Variants in SPEG observed in about 807,000 individuals in gnomAD.
SPEG encodes striated muscle preferentially expressed protein kinase.
Under a neutral mutation model 300.4 loss-of-function variants are expected in SPEG, and 114 were observed. The ratio of observed to expected loss-of-function variants is 0.38; its 90% confidence interval spans 0.33 to 0.44. SPEG has a LOEUF of 0.44. Among genes scored for constraint, SPEG ranks in the 20% least tolerant of loss-of-function variants. The probability of loss-of-function intolerance (pLI) is 1.00; values close to 1 mark genes in which losing one functional copy is unlikely to be tolerated. For synonymous variants in SPEG, 1,964 were observed against 2,018.9 expected, an observed-to-expected ratio of 0.97 and a Z score of 0.73; for missense variants, 4,201 against 4,586.2, an observed-to-expected ratio of 0.92 and a Z score of 2.43.
At chr2:219,490,085 G>A in intron 36 of SPEG, 146 bp downstream of exon 36, 2 of 993,496 alleles carry the variant, frequency 2.0e-6, no homozygotes, top group Non-Finnish European at 2.9e-6. Flanking sequence ...GCGTTCAAAT[G>A]TGCCAGACAC....
chr2:219,488,921 G>A (rs764248155), intron 34 of SPEG, 21 bp downstream of exon 34: 1 of 1,585,848 alleles, frequency 6.3e-7, no homozygotes, highest in Non-Finnish European at 8.6e-7. Flanking sequence ...GGCAGCTGGA[G>A]GGTTGGGGGA....
intron 28 of SPEG, chr2:219,482,030 C>T (rs1032350398): frequency 7.4e-6 from 3 of 405,542 alleles, no homozygotes; most frequent in African/African-American, 4.0e-5. Flanking sequence ...CTGCACTGGT[C>T]CCACACAATA....
In SPEG at chr2:219,444,736, C is replaced by A; in HGVS notation, c.472C>A (p.Pro158Thr). 1 of 1,613,958 alleles carries A rather than the reference C, an allele frequency of 6.2e-7. No individual in the cohort carries two copies. The highest frequency in any genetic ancestry group is 1.1e-5 in the South Asian group (1 of 91,070). ...TCGGGATGACGGGGCCTTCAGCACC[C>A]CCACGGGTGAGCTCCTGGGGTGTAC... is the stretch of plus-strand genomic sequence containing the variant. ...ELRDDGAFST[P>T]TGGSDTLVGT... The change falls in exon 2 of 41, where the codon CCC becomes ACC. Residue 158 changes from proline (P) to threonine (T), a missense_variant. By Grantham distance (38) the Pro-to-Thr change is conservative. Coordinates refer to ENST00000312358, the MANE Select transcript of SPEG (RefSeq NM_005876.5). This position sits in a 1 kb window ranked among gnomAD's most constrained non-coding sequence, Gnocchi z 7.8.
intron 6 of SPEG, among the ~76,000 whole-genome samples, chr2:219,456,889 A>G (rs1690222864): frequency 1.4e-5 from 2 of 142,028 alleles, no homozygotes; most frequent in East Asian, 2.2e-4. Context: ...GGCCTGGGCG[A>G]CAGTGCGAGA....
rs1393225067 is a variant in SPEG, at chr2:219,488,818, C to T, written c.8067C>T (p.Thr2689=). Residue 2689 remains threonine, a synonymous_variant, in exon 34 of 41, where the codon ACC becomes ACT. Transcript: ENST00000312358. ...TAGCTCCTCCAGAGGTACCCCAGAC[C>T]TACCAGGACACGGCGCTGGTGCTGT... ...GKLAPPEVPQ[T]YQDTALVLWK... The T allele has an allele frequency of 3.1e-6, 5 of 1,598,040 alleles. No individual in the cohort carries two copies. The highest frequency in any genetic ancestry group is 1.7e-4 in the Middle Eastern group (1 of 6,032).
rs1295517158 is a variant in SPEG, at chr2:219,472,990, A to C, written c.4041A>C (p.Thr1347=). 4 of 1,613,944 alleles carry C rather than the reference A, an allele frequency of 2.5e-6. No homozygotes were observed. The South Asian group carries it at 4.4e-5, about 18-fold the overall frequency. Reference sequence around the variant, plus strand: ...TGCGGGAGCCAGGGTGGGCAGCCACAGGGCTGCGTAAGGGGGTCCAGCACA... The same window carrying C: ...TGCGGGAGCCAGGGTGGGCAGCCACCGGGCTGCGTAAGGGGGTCCAGCACA... ...TGLREPGWAA[T]GLRKGVQHIF... is the part of the protein sequence containing the mutation. Residue 1347 remains threonine (T), a synonymous_variant, in exon 16 of 41, where the codon ACA becomes ACC. Transcript: ENST00000312358.
Position 219,472,207 on chromosome 2 carries a change from A to T in SPEG, c.3836-20A>T. 6.2e-7 allele frequency: 1 copy of T among 1,611,558 alleles called. No homozygotes were observed. Among genetic ancestry groups the T allele is most frequent in the East Asian group, 2.2e-5 (1 of 44,858 alleles). Reference sequence around the variant, plus strand: ...TGTTGGGCCCTTGGACCCAGCAGACATTCGAACTGCGGCTTTCAGATGTGG... The same window carrying T: ...TGTTGGGCCCTTGGACCCAGCAGACTTTCGAACTGCGGCTTTCAGATGTGG... On this transcript the variant is annotated intron_variant, in intron 14 of 40. Coordinates refer to ENST00000312358, the MANE Select transcript of SPEG (RefSeq NM_005876.5).
At chr2:219,436,576 C>T (rs1954725690) in intron 1 of SPEG, among the ~76,000 whole-genome samples, 1 of 152,206 alleles carries the variant, frequency 6.6e-6, no homozygotes, top group Non-Finnish European at 1.5e-5. Context: ...AAGCCCTCAG[C>T]AGCAGGTGGG....
At chr2:219,460,560 G>C in intron 6 of SPEG, 2 of 985,464 alleles carry the variant, frequency 2.0e-6, no homozygotes, top group Non-Finnish European at 2.4e-6. Flanking sequence ...CCGCAGAGCG[G>C]GCTTTGCTCT....
In SPEG at chr2:219,473,149, T is replaced by C. The variant is rs907462746; in HGVS notation, c.4147+53T>C. On this transcript the variant is annotated intron_variant, in intron 16 of 40. Transcript: ENST00000312358. This position sits in a 1 kb window ranked among gnomAD's most constrained non-coding sequence, Gnocchi z 4.6. Reference sequence around the variant, plus strand: ...GGGTGGGAGCTGCTGGGATGGGGAATGGGGGCCCTGTGGTGGAGGCTCAAG... The same window carrying C: ...GGGTGGGAGCTGCTGGGATGGGGAACGGGGGCCCTGTGGTGGAGGCTCAAG... 3.2e-6 allele frequency: 5 copies of C among 1,538,826 alleles called. No individual in the cohort carries two copies. The highest frequency in any genetic ancestry group is 4.4e-6 in the Non-Finnish European group (5 of 1,128,656).
intron 1 of SPEG, among the ~76,000 whole-genome samples, chr2:219,436,347 C>T (rs1270189204): frequency 6.6e-6 from 1 of 152,194 alleles, no homozygotes; most frequent in Non-Finnish European, 1.5e-5. Context: ...TTCCTCAGTC[C>T]TTGAGTAAGC....
chr2:219,490,292 A>G, intron 36 of SPEG, 117 bp from the exon 37 acceptor site: 2 of 1,406,536 alleles, frequency 1.4e-6, no homozygotes, highest in Non-Finnish European at 1.9e-6. Context: ...TGGAGCCCAC[A>G]CTGGAACCAC....
chr2:219,491,008 C>G (rs1575204326), intron 38 of SPEG, 52 bp downstream of exon 38: 1 of 1,469,444 alleles, frequency 6.8e-7, no homozygotes. Context: ...GCCAGAGAGG[C>G]AGCAGCCAGG....
At chr2:219,461,751 G>A (rs1224584203) in intron 6 of SPEG, 131 bp from the exon 7 acceptor site, 6 of 1,026,404 alleles carry the variant, frequency 5.8e-6, no homozygotes, top group Non-Finnish European at 7.3e-6. Context: ...CAGGAGCCTG[G>A]GGGTGAAGTC....
Position 219,447,985 on chromosome 2 carries a change from A to T in SPEG, c.827A>T (p.Gln276Leu), listed in dbSNP as rs755439723. The stretch of plus-strand genomic sequence containing the variant: ...TCTTGGTTCTGCAGCAGCGTCCCTC[A>T]GAGCGGGTTGCGCAGGGAGGAGCCC... ...RALSIHVSVP[Q>L]SGLRREEPDL... Residue 276 changes from glutamine to leucine, a missense_variant, in exon 4 of 41, where the codon CAG becomes CTG. Gln to Leu is a moderately radical substitution (Grantham distance 113). Transcript: ENST00000312358. 6.2e-7 allele frequency: 1 copy of T among 1,612,578 alleles called. No homozygotes were observed. The highest frequency in any genetic ancestry group is 1.1e-5 in the South Asian group (1 of 91,068).
rs757296169 is a variant in SPEG, at chr2:219,490,720, C to T, written c.9162-13C>T. The T allele has an allele frequency of 6.2e-7, 1 of 1,613,802 alleles. No homozygotes were observed. The highest frequency in any genetic ancestry group is 8.5e-7 in the Non-Finnish European group (1 of 1,179,762). On this transcript the variant is annotated splice_polypyrimidine_tract_variant and intron_variant, in intron 37 of 40. Coordinates refer to ENST00000312358, the MANE Select transcript of SPEG (RefSeq NM_005876.5). Reference sequence around the variant, plus strand: ...TGGGCCGGGTATCATCTGCTCCATCCCTGCCCTCCCAGGTTCCGGTATTCT... The same window carrying T: ...TGGGCCGGGTATCATCTGCTCCATCTCTGCCCTCCCAGGTTCCGGTATTCT...
Position 219,477,065 on chromosome 2 carries a change from G to A in SPEG, c.4560+83G>A. The stretch of plus-strand genomic sequence containing the variant: ...GGGAGGGTCCTGGAAGGCCTTAGGA[G>A]GGCGGAGCCCGGGCAGAGGCGTGGT... On this transcript the variant is annotated intron_variant, in intron 19 of 40. Coordinates refer to ENST00000312358, the MANE Select transcript of SPEG (RefSeq NM_005876.5). This position sits in a 1 kb window ranked among gnomAD's most constrained non-coding sequence, Gnocchi z 6.4. 1 of 1,282,274 alleles carries A rather than the reference G, an allele frequency of 7.8e-7. No individual in the cohort carries two copies. Among genetic ancestry groups the A allele is most frequent in the Non-Finnish European group, 1.1e-6 (1 of 923,342 alleles). 79.4% of individuals were successfully genotyped at this position (1,282,274 alleles called of 1,614,324 possible). A position where few individuals can be genotyped will look rare whatever the true frequency, so the allele number is the denominator to read the frequency against.
rs1281081225 is a variant in SPEG at position 219,479,740 on chromosome 2, C to T, written c.5086-43C>T. The T allele has an allele frequency of 3.8e-6, 6 of 1,596,406 alleles. No individual in the cohort carries two copies. The Admixed American group carries it at 8.3e-5, about 22-fold the overall frequency. On this transcript the variant is annotated intron_variant, in intron 23 of 40. Transcript: ENST00000312358. This position sits in a 1 kb window ranked among gnomAD's most constrained non-coding sequence, Gnocchi z 5.5. ...GCCGCCCTGGAGGTGTTCAGACATA[C>T]ACCACCCTTCCCCCTCAGACTCTGG...
At chr2:219,441,604 G>C (rs910295003) in intron 1 of SPEG, 1 of 470,536 alleles carries the variant, frequency 2.1e-6, no homozygotes, top group Non-Finnish European at 4.4e-6. Flanking sequence ...GGTGAGGGTG[G>C]GAGGAGGCTG....
Sources: gnomAD v4.1 joint callset for allele counts (sites outside exome capture counted in the v4.1 genomes callset) on GRCh38, gnomAD v4.1.1 for gene constraint, Gnocchi (gnomAD v3.1) non-coding constraint, MANE v1.5 for transcripts, NCBI Gene and HGNC (gene_info 2026-07-23, HGNC 2026-07-21) for gene names.